The following VPS51 variants were observed in gnomAD, a reference collection of about 807,000 sequenced individuals.
VPS51 encodes VPS51 subunit of GARP complex.
A neutral mutation model predicts 65.1 loss-of-function variants in VPS51; 55 were observed. The ratio of observed to expected loss-of-function variants is 0.84; its 90% CI spans 0.68 to 1.06. VPS51 has a LOEUF of 1.06. Among genes scored for constraint, VPS51 ranks in the 50% least tolerant of loss-of-function variants. The probability of loss-of-function intolerance (pLI) is 0.00; values close to 1 mark genes in which losing one functional copy is unlikely to be tolerated. For missense variants in VPS51, 943 were observed against 1,101.6 expected (o/e 0.86, Z 2.04); for synonymous variants, 473 against 489.5 (o/e 0.97, Z 0.44).
rs1439640421 is a variant in VPS51, at chr11:65,096,255, C to T, written c.5C>T (p.Ala2Val). Residue 2 changes from alanine (A) to valine (V), a missense_variant, in exon 1 of 10, where the codon GCG (alanine) becomes GTG (valine). Around this residue, in one of 2 missense-constraint regions of VPS51, gnomAD observed 855 missense variants for 953.7 expected, o/e 0.90. Transcript: ENST00000279281. ...CCGTGGGCTGCAGTTGGAACGATGGCGGCGGCAGCTGCCGCCGGGCCTAGC... is the reference window on the plus strand; with the variant it reads ...CCGTGGGCTGCAGTTGGAACGATGGTGGCGGCAGCTGCCGCCGGGCCTAGC... M[A>V]AAAAAGPSPG... 3.3e-6 allele frequency: 5 copies of T among 1,522,090 alleles called. No homozygotes were observed. Among genetic ancestry groups the T allele is most frequent in the Non-Finnish European group, 2.6e-6 (3 of 1,138,588 alleles). 94.3% of individuals were successfully genotyped at this position (1,522,090 alleles called of 1,614,324 possible).
chr11:65,103,704 C>T (rs1324466528), intron 2 of VPS51, among the ~76,000 whole-genome samples: 6 of 152,116 alleles, frequency 3.9e-5, no homozygotes, highest in Non-Finnish European at 8.8e-5. Context: ...CCCAGAGCCA[C>T]ACACAGACCA....
chr11:65,108,098 T>G, intron 4 of VPS51, 76 bp downstream of exon 4: 1 of 1,512,038 alleles, frequency 6.6e-7, no homozygotes, highest in South Asian at 1.2e-5. Flanking sequence ...TGGGCCCTCC[T>G]GGAGCTGTCC....
chr11:65,111,575 C>T lies in VPS51; in HGVS notation c.2337C>T (p.Cys779=), dbSNP rs1157924418. 5.6e-6 allele frequency: 9 copies of T among 1,606,792 alleles called. No individual in the cohort carries two copies. The Admixed American group carries it at 1.2e-4, about 21-fold the overall frequency. Reference sequence around the variant, plus strand: ...AGCCCAGTGTGGTTGAGGTCATCTGCGAGCGCGGCTAGGCGCAGCCGCTGC... The same window carrying T: ...AGCCCAGTGTGGTTGAGGTCATCTGTGAGCGCGGCTAGGCGCAGCCGCTGC... ...PMEPSVVEVI[C]ERG The change falls in exon 10 of 10, where the codon TGC becomes TGT. Residue 779 remains cysteine, a synonymous_variant. Coordinates refer to ENST00000279281, the MANE Select transcript of VPS51 (RefSeq NM_013265.4).
At chr11:65,098,188 A>T (rs569432802) in intron 2 of VPS51, among the ~76,000 whole-genome samples, 96 of 152,184 alleles carry the variant, frequency 6.3e-4, no homozygotes, top group African/African-American at 2.2e-3. Context: ...CTGAAAAAAA[A>T]AATAATAAGA....
Position 65,107,699 on chromosome 11 carries a change from C to T in VPS51, c.477C>T (p.Asp159=). Reference sequence around the variant, plus strand: ...CTCGCATCAGCGCCACGCTGCAGGACCGCCACGAGCGCATCACCAAGCTGG... The same window carrying T: ...CTCGCATCAGCGCCACGCTGCAGGATCGCCACGAGCGCATCACCAAGCTGG... ...FSARISATLQ[D]RHERITKLAG... is the part of the protein sequence containing the mutation. The change falls in exon 3 of 10, where the codon GAC becomes GAT. Residue 159 remains aspartate, a synonymous_variant. Coordinates refer to ENST00000279281, the MANE Select transcript of VPS51 (RefSeq NM_013265.4). The surrounding 1 kb of genome is among the most constrained non-coding windows in gnomAD (Gnocchi z 4.0). The T allele has an allele frequency of 6.2e-7, 1 of 1,609,294 alleles. No individual in the cohort carries two copies. Among genetic ancestry groups the T allele is most frequent in the East Asian group, 2.2e-5 (1 of 44,740 alleles).
At position 65,111,843 on chromosome 11, in the gene VPS51, T is replaced by G; in HGVS notation, c.*256T>G. ...CAGCATGGGCAGGGGGCGGTTCCAC[T>G]TAAAAACCCTGGGACGAGAGCGGTC... On this transcript the variant is annotated 3_prime_UTR_variant, in exon 10 of 10. Coordinates refer to ENST00000279281, the MANE Select transcript of VPS51 (RefSeq NM_013265.4). 1 of 972,448 alleles carries G rather than the reference T, an allele frequency of 1.0e-6. No individual in the cohort carries two copies. Among genetic ancestry groups the G allele is most frequent in the Non-Finnish European group, 1.5e-6 (1 of 656,894 alleles). 60.2% of individuals were successfully genotyped at this position (972,448 alleles called of 1,614,324 possible).
In VPS51 at chr11:65,107,668, T is replaced by G; in HGVS notation, c.446T>G (p.Phe149Cys). The change falls in exon 3 of 10, where the codon TTC (phenylalanine) becomes TGC (cysteine). Residue 149 changes from phenylalanine (F) to cysteine (C), a missense_variant. Transcript: ENST00000279281. This position sits in a 1 kb window ranked among gnomAD's most constrained non-coding sequence, Gnocchi z 4.0. ...ACCAACATGGCAGTGATCACCGACTTCAGCGCTCGCATCAGCGCCACGCTG... is the reference window on the plus strand; with the variant it reads ...ACCAACATGGCAGTGATCACCGACTGCAGCGCTCGCATCAGCGCCACGCTG... ...LATNMAVITD[F>C]SARISATLQD... 3 of 1,610,260 alleles carry G rather than the reference T, an allele frequency of 1.9e-6. No homozygotes were observed. Among genetic ancestry groups the G allele is most frequent in the Non-Finnish European group, 2.5e-6 (3 of 1,177,402 alleles).
chr11:65,108,444 C>G lies in VPS51; in HGVS notation c.973C>G (p.Leu325Val). The change falls in exon 5 of 10, where the codon CTG becomes GTG. Residue 325 changes from leucine (L) to valine (V), a missense_variant. Leu to Val is a conservative substitution (Grantham distance 32). This residue lies in a region of VPS51 where 855 missense variants were observed against 953.7 expected (regional missense o/e 0.90). Transcript: ENST00000279281. ...LCQVAAAYQELFAAQGPAGAE... is the reference protein window; with the variant it reads ...LCQVAAAYQEVFAAQGPAGAE... ...CCAGGTGGCGGCGGCCTACCAGGAGCTGTTTGCGGCCCAGGGCCCAGCAGG... is the reference window on the plus strand; with the variant it reads ...CCAGGTGGCGGCGGCCTACCAGGAGGTGTTTGCGGCCCAGGGCCCAGCAGG... 1 of 1,611,472 alleles carries G rather than the reference C, an allele frequency of 6.2e-7. No homozygotes were observed. The highest frequency in any genetic ancestry group is 8.5e-7 in the Non-Finnish European group (1 of 1,179,592).
chr11:65,109,965 G>T lies in VPS51; in HGVS notation c.1878+42G>T, dbSNP rs375414539. The stretch of plus-strand genomic sequence containing the variant: ...CCGGGGTAGCCCTGACGCAGGCTGG[G>T]GGTACTGTCCCTTCAAGAGGGGCTG... On this transcript the variant is annotated intron_variant, in intron 7 of 9. Coordinates refer to ENST00000279281, the MANE Select transcript of VPS51 (RefSeq NM_013265.4). The T allele has an allele frequency of 3.9e-4, 594 of 1,540,912 alleles. 1 individual carries two copies. The African/African-American group carries it at 6.1e-3, about 16-fold the overall frequency.
At chr11:65,104,160 G>A (rs1469352450) in intron 2 of VPS51, among the ~76,000 whole-genome samples, 6 of 152,024 alleles carry the variant, frequency 3.9e-5, no homozygotes, top group African/African-American at 7.2e-5. Flanking sequence ...AACTCCTGAC[G>A]TCAAGTGATC....
chr11:65,102,256 C>T (rs997245029), intron 2 of VPS51, among the ~76,000 whole-genome samples: 1 of 152,164 alleles, frequency 6.6e-6, no homozygotes, highest in East Asian at 1.9e-4. Flanking sequence ...ATCCACCTGC[C>T]TTGGCCTCCC....
chr11:65,108,633 G>C lies in VPS51; in HGVS notation c.1162G>C (p.Ala388Pro). The change falls in exon 5 of 10, where the codon GCT (alanine) becomes CCT (proline). Residue 388 changes from alanine to proline, a missense_variant. Ala to Pro is a conservative substitution (Grantham distance 27). Transcript: ENST00000279281. ...RLRAPGALLA[A>P]AGLADAATEI... ...GCGGGCTCCCGGGGCCCTGCTGGCCGCTGCCGGGCTCGCAGACGCTGCCAC... is the reference window on the plus strand; with the variant it reads ...GCGGGCTCCCGGGGCCCTGCTGGCCCCTGCCGGGCTCGCAGACGCTGCCAC... 6.5e-7 allele frequency: 1 copy of C among 1,530,436 alleles called. No individual in the cohort carries two copies. Among genetic ancestry groups the C allele is most frequent in the Non-Finnish European group, 8.7e-7 (1 of 1,146,992 alleles). 94.8% of individuals were successfully genotyped at this position (1,530,436 alleles called of 1,614,324 possible).
chr11:65,101,965 G>A (rs1947811678), intron 2 of VPS51, among the ~76,000 whole-genome samples: 1 of 148,066 alleles, frequency 6.8e-6, no homozygotes, highest in African/African-American at 2.5e-5. Context: ...CAACATCCTC[G>A]CATCCAGATG....
In VPS51 at chr11:65,109,367, A is replaced by G; in HGVS notation, c.1531A>G (p.Ser511Gly). Residue 511 changes from serine (S) to glycine (G), a missense_variant, in exon 6 of 10, where the codon AGC becomes GGC. Transcript: ENST00000279281. ...MCQTAQSFCDSPGEKGGATPP... is the reference protein window; with the variant it reads ...MCQTAQSFCDGPGEKGGATPP... ...CCAGACGGCTCAGAGCTTCTGCGAC[A>G]GCCCTGGGGAGAAGGGGGGTGCCAC... 8.1e-6 allele frequency: 13 copies of G among 1,613,200 alleles called. No homozygotes were observed. Among genetic ancestry groups the G allele is most frequent in the South Asian group, 1.1e-5 (1 of 91,088 alleles).
chr11:65,106,547 C>G (rs1025032521), intron 2 of VPS51, among the ~76,000 whole-genome samples: 4 of 152,092 alleles, frequency 2.6e-5, no homozygotes, highest in Non-Finnish European at 4.4e-5. Context: ...GTCAGGAGAT[C>G]AAGACCATCC....
At position 65,111,853 on chromosome 11, in the gene VPS51, T is replaced by G; in HGVS notation, c.*266T>G. 1 of 989,676 alleles carries G rather than the reference T, an allele frequency of 1.0e-6. No individual in the cohort carries two copies. The highest frequency in any genetic ancestry group is 2.6e-5 in the East Asian group (1 of 38,258). 61.3% of individuals were successfully genotyped at this position (989,676 alleles called of 1,614,324 possible). A position where few individuals can be genotyped will look rare whatever the true frequency, so the allele number is the denominator to read the frequency against. On this transcript the variant is annotated 3_prime_UTR_variant, in exon 10 of 10. Coordinates refer to ENST00000279281, the MANE Select transcript of VPS51 (RefSeq NM_013265.4). ...AGGGGGCGGTTCCACTTAAAAACCC[T>G]GGGACGAGAGCGGTCCTTGTCTGCG...
chr11:65,105,484 G>A (rs1947836021), intron 2 of VPS51: 1 of 152,024 alleles, frequency 6.6e-6, no homozygotes, highest in Admixed American at 6.6e-5. Flanking sequence ...AATGCAAACT[G>A]TGTGCTTCCT....
rs1252892706 is a variant in VPS51, at chr11:65,110,920, C to T, written c.2088+139C>T. ...GACCCTCCAGTCTCTGTCTCTAGGG[C>T]TGTTTTTAGGTAGTACAGAGTGCCC... On this transcript the variant is annotated intron_variant, in intron 9 of 9. Transcript: ENST00000279281. 1.0e-5 allele frequency: 11 copies of T among 1,049,922 alleles called. No homozygotes were observed. In the South Asian group the frequency reaches 1.4e-4, roughly 13 times the overall value. 65.0% of individuals were successfully genotyped at this position (1,049,922 alleles called of 1,614,324 possible). A position where few individuals can be genotyped will look rare whatever the true frequency, so the allele number is the denominator to read the frequency against.
At chr11:65,108,135 C>A in intron 4 of VPS51, 62 bp from the exon 5 acceptor site, 1 of 1,564,050 alleles carries the variant, frequency 6.4e-7, no homozygotes, top group African/African-American at 1.4e-5. Context: ...CTTTGCTTTC[C>A]TGCTCCTGCC....
Sources: allele counts gnomAD v4.1 joint callset (sites outside exome capture counted in the v4.1 genomes callset), GRCh38; gene constraint gnomAD v4.1.1; regional missense constraint gnomAD v4.1.1; non-coding constraint Gnocchi (gnomAD v3.1); transcripts MANE v1.5; gene names NCBI Gene and HGNC (gene_info 2026-07-23, HGNC 2026-07-21).